Variants in KCTD16 observed in about 807,000 individuals in gnomAD.
KCTD16 encodes BTB/POZ domain-containing protein KCTD16.
A neutral mutation model predicts 33.2 loss-of-function variants in KCTD16; 13 were observed. The observed-to-expected ratio is 0.39, with a 90% CI of 0.25 to 0.62. The LOEUF (loss-of-function observed/expected upper bound fraction) is 0.62, where lower values mean the gene tolerates loss of function less well. Ranked by LOEUF, KCTD16 falls within the 20% of genes least tolerant of loss-of-function variation. KCTD16 has a pLI of 0.50. For synonymous variants in KCTD16, 197 were observed against 195.3 expected, an observed-to-expected ratio of 1.01 and a Z score of -0.07; for missense variants, 441 against 525.1, an observed-to-expected ratio of 0.84 and a Z score of 1.57.
rs898787855 is a variant in KCTD16, at chr5:144,479,675, A to T, written c.*5561A>T. ...TTCAGTTTGTTGCCCTCTCTCCTCTACTTCCTAAGTGGGATCCCTTTTCTG... is the reference window on the plus strand; with the variant it reads ...TTCAGTTTGTTGCCCTCTCTCCTCTTCTTCCTAAGTGGGATCCCTTTTCTG... On this transcript the variant is annotated 3_prime_UTR_variant, in exon 4 of 4. Coordinates refer to ENST00000512467, the MANE Select transcript of KCTD16 (RefSeq NM_020768.4). The T allele has an allele frequency of 6.6e-6, 1 of 151,978 alleles. No homozygotes were observed. Among genetic ancestry groups the T allele is most frequent in the Non-Finnish European group, 1.5e-5 (1 of 67,940 alleles). The allele number at this position is 151,978 out of a possible 1,614,324, so 9.4% of individuals were successfully genotyped here.
chr5:144,236,447 A>G (rs1392257900), intron 3 of KCTD16, among the ~76,000 whole-genome samples: 1 of 152,120 alleles, frequency 6.6e-6, no homozygotes, highest in East Asian at 1.9e-4. Context: ...CTGGTGGGTA[A>G]TCTGTTATGT....
chr5:144,453,805 A>G (rs896138589), intron 3 of KCTD16, among the ~76,000 whole-genome samples: 9 of 152,250 alleles, frequency 5.9e-5, no homozygotes, highest in Admixed American at 2.6e-4. Flanking sequence ...CGTATCTTAT[A>G]GTAGCTACCT....
intron 3 of KCTD16, among the ~76,000 whole-genome samples, chr5:144,412,274 G>A (rs922621241): frequency 2.0e-5 from 3 of 152,160 alleles, no homozygotes; most frequent in African/African-American, 7.2e-5. Flanking sequence ...ATCAACCTAT[G>A]TGCTCATCAG....
At chr5:144,388,065 G>GTTTTTTTTTTTTTTTTTTTTTTT (rs397999492) in intron 3 of KCTD16, among the ~76,000 whole-genome samples, 5 of 73,662 alleles carry the variant, frequency 6.8e-5, no homozygotes, top group African/African-American at 3.1e-4. Context: ...TTTAGAGCAA[G>GTTTTTTTTTTTTTTTTTTTTTTT]TTTTTTTTTT....
chr5:144,432,655 G>GTA (rs201093650), intron 3 of KCTD16, among the ~76,000 whole-genome samples: 1 of 149,974 alleles, frequency 6.7e-6, no homozygotes, highest in Non-Finnish European at 1.5e-5. Flanking sequence ...GTGTGTGTGT[G>GTA]TATATATCAG....
intron 3 of KCTD16, among the ~76,000 whole-genome samples, chr5:144,359,704 C>T (rs1751660609): frequency 6.6e-6 from 1 of 151,050 alleles, no homozygotes; most frequent in Non-Finnish European, 1.5e-5. Flanking sequence ...ATGCGGCTAA[C>T]CATGCTACCT....
chr5:144,316,768 C>T (rs192887837), intron 3 of KCTD16, among the ~76,000 whole-genome samples: 1 of 151,466 alleles, frequency 6.6e-6, no homozygotes, highest in Non-Finnish European at 1.5e-5. Context: ...CCATCTAGGC[C>T]TCCCAAAATG....
intron 3 of KCTD16, among the ~76,000 whole-genome samples, chr5:144,274,327 G>T (rs1046298382): frequency 7.2e-5 from 11 of 152,078 alleles, no homozygotes; most frequent in African/African-American, 2.7e-4. Context: ...AAGGTAGCTT[G>T]GCTAGGTTAA....
At chr5:144,402,340 T>C (rs924539923) in intron 3 of KCTD16, among the ~76,000 whole-genome samples, 3 of 152,152 alleles carry the variant, frequency 2.0e-5, no homozygotes, top group Admixed American at 6.5e-5. Flanking sequence ...AGGGAAGCAA[T>C]GATCGCTTCC....
chr5:144,237,240 A>G lies in KCTD16; in HGVS notation c.832+29694A>G, dbSNP rs144599097. Among the ~76,000 whole-genome samples, 281 of 152,190 alleles carry G rather than the reference A, an allele frequency of 1.8e-3. 2 individuals carry two copies. The highest frequency in any genetic ancestry group is 6.4e-3 in the African/African-American group (267 of 41,538). ...AATATGAAGCACTAAAATAATTTCC[A>G]GCGAAGTTGGTTTGGCTCTAGTTTC... is the stretch of plus-strand genomic sequence containing the variant. On this transcript the variant is annotated intron_variant, in intron 3 of 3. Transcript: ENST00000512467.
chr5:144,268,189 A>G (rs1036871564), intron 3 of KCTD16, among the ~76,000 whole-genome samples: 1 of 152,182 alleles, frequency 6.6e-6, no homozygotes, highest in African/African-American at 2.4e-5. Flanking sequence ...AGCAGCTTGC[A>G]CACAGCCTGA....
intron 3 of KCTD16, among the ~76,000 whole-genome samples, chr5:144,295,500 A>C (rs1202256630): frequency 1.3e-5 from 2 of 152,160 alleles, no homozygotes; most frequent in Admixed American, 6.5e-5. Flanking sequence ...GGGTTTCTGG[A>C]GGGTAAATTA....
chr5:144,468,390 G>C (rs981067063), intron 3 of KCTD16, among the ~76,000 whole-genome samples: 1 of 152,146 alleles, frequency 6.6e-6, no homozygotes, highest in Non-Finnish European at 1.5e-5. Context: ...GACTCTGATG[G>C]ATGCGTGGCT....
At chr5:144,361,359 G>T (rs1751708895) in intron 3 of KCTD16, among the ~76,000 whole-genome samples, 1 of 152,186 alleles carries the variant, frequency 6.6e-6, no homozygotes, top group South Asian at 2.1e-4. Context: ...CAGTGTTTTT[G>T]TGGAAATATT....
At chr5:144,435,845 G>A (rs975917191) in intron 3 of KCTD16, among the ~76,000 whole-genome samples, 2 of 148,678 alleles carry the variant, frequency 1.3e-5, no homozygotes, top group African/African-American at 2.5e-5. Flanking sequence ...GTGTGTGTAT[G>A]TGTGTGTGTG....
chr5:144,340,157 G>A (rs1260930594), intron 3 of KCTD16, among the ~76,000 whole-genome samples: 3 of 152,064 alleles, frequency 2.0e-5, no homozygotes, highest in Admixed American at 1.3e-4. Context: ...GCTCACGCCT[G>A]TAATCCCAGC....
chr5:144,288,282 A>C (rs1755803097), intron 3 of KCTD16, among the ~76,000 whole-genome samples: 1 of 152,220 alleles, frequency 6.6e-6, no homozygotes, highest in Non-Finnish European at 1.5e-5. Context: ...CAAATTGCTT[A>C]AATTTGTGAA....
chr5:144,289,440 C>A (rs897202373), intron 3 of KCTD16, among the ~76,000 whole-genome samples: 1 of 152,202 alleles, frequency 6.6e-6, no homozygotes, highest in Non-Finnish European at 1.5e-5. Context: ...ACTCATCTTG[C>A]ATTACCTTTC....
intron 3 of KCTD16, among the ~76,000 whole-genome samples, chr5:144,297,043 A>G (rs928464468): frequency 3.3e-5 from 5 of 152,242 alleles, no homozygotes; most frequent in Non-Finnish European, 7.3e-5. Flanking sequence ...CAGATCACCT[A>G]AACGCAAGAT....
Sources: allele counts gnomAD v4.1 joint callset (sites outside exome capture counted in the v4.1 genomes callset), GRCh38; gene constraint gnomAD v4.1.1; transcripts MANE v1.5; gene names NCBI Gene and HGNC (gene_info 2026-07-23, HGNC 2026-07-21).